CPA4: variants seen among roughly 807,000 people sequenced by gnomAD.
The protein encoded by CPA4 is carboxypeptidase A4.
In CPA4, 49 loss-of-function variants were observed where a neutral mutation model predicts 54.7. The observed-to-expected ratio is 0.90, with a 90% CI of 0.71 to 1.14. CPA4 has a LOEUF of 1.14. CPA4 is among the 50% of genes most tolerant of loss of function. The pLI is 0.00. For missense variants in CPA4, 487 were observed against 525.1 expected (o/e 0.93, Z 0.71); for synonymous variants, 215 against 206.8 (o/e 1.04, Z -0.34).
At chr7:130,299,233 C>T (rs368114013) in intron 2 of CPA4, 37 bp from the exon 3 acceptor site, 134 of 1,604,962 alleles carry the variant, frequency 8.3e-5, no homozygotes, top group Non-Finnish European at 9.9e-5. Flanking sequence ...TTTACCTGAA[C>T]GGTCCTTTAA....
chr7:130,305,781 G>A (rs780949237), intron 5 of CPA4, 35 bp from the exon 6 acceptor site: 1 of 1,484,980 alleles, frequency 6.7e-7, no homozygotes, highest in Non-Finnish European at 9.4e-7. Context: ...GATGCGGGCA[G>A]GCGGTCATTT....
intron 4 of CPA4, among the ~76,000 whole-genome samples, chr7:130,301,821 A>T (rs1179850001): frequency 6.6e-6 from 1 of 152,140 alleles, no homozygotes; most frequent in Admixed American, 6.5e-5. Context: ...CCCTCTTGTG[A>T]CCAGTGACAT....
At chr7:130,318,700 A>G (rs1489069322) in intron 10 of CPA4, among the ~76,000 whole-genome samples, 1 of 152,142 alleles carries the variant, frequency 6.6e-6, no homozygotes, top group African/African-American at 2.4e-5. Flanking sequence ...CGTGAGCCAC[A>G]GCACCCGGCC....
At chr7:130,309,850 C>T (rs1178456254) in intron 8 of CPA4, among the ~76,000 whole-genome samples, 2 of 152,156 alleles carry the variant, frequency 1.3e-5, no homozygotes, top group African/African-American at 4.8e-5. Context: ...ACTGCAGCCT[C>T]GACATCCTGG....
intron 10 of CPA4, among the ~76,000 whole-genome samples, chr7:130,318,407 C>CCTTTT (rs1008431715): frequency 3.3e-5 from 5 of 152,254 alleles, no homozygotes; most frequent in Admixed American, 1.3e-4. Flanking sequence ...AAAATTTCTA[C>CCTTTT]CTTTTCTTTT....
rs765455347 is a variant in CPA4 at position 130,322,499 on chromosome 7, C to T, written c.1089C>T (p.Ser363=). The change falls in exon 11 of 11, where the codon AGC becomes AGT. Residue 363 remains serine, a synonymous_variant. Coordinates refer to ENST00000222482, the MANE Select transcript of CPA4 (RefSeq NM_016352.4). The part of the protein sequence containing the change: ...GPTCTTVYPA[S]GSSIDWAYDN... ...TCCTCCGACTTACAGATCCAGCTAGCGGGAGCAGCATCGACTGGGCATATG... is the reference window on the plus strand; with the variant it reads ...TCCTCCGACTTACAGATCCAGCTAGTGGGAGCAGCATCGACTGGGCATATG... 34 of 1,612,950 alleles carry T rather than the reference C, an allele frequency of 2.1e-5. No individual in the cohort carries two copies. Among genetic ancestry groups the T allele is most frequent in the African/African-American group, 4.0e-5 (3 of 74,888 alleles).
intron 6 of CPA4, chr7:130,306,408 TG>T: frequency 4.3e-6 from 1 of 231,104 alleles, no homozygotes; most frequent in Non-Finnish European, 8.4e-6. Context: ...GAAAGTCTGC[TG>T]GGAGGGGAGG....
In CPA4 at chr7:130,308,414, C is replaced by T. The variant is rs772209775; in HGVS notation, c.793+17C>T. The T allele has an allele frequency of 1.9e-6, 3 of 1,604,386 alleles. No individual in the cohort carries two copies. Among genetic ancestry groups the T allele is most frequent in the Non-Finnish European group, 2.6e-6 (3 of 1,171,146 alleles). On this transcript the variant is annotated intron_variant, in intron 8 of 10. Coordinates refer to ENST00000222482, the MANE Select transcript of CPA4 (RefSeq NM_016352.4). Reference sequence around the variant, plus strand: ...GTTTTGCAGGTAGGCGGTGGGGAGACAGTTCTCAAATCCTGCTGTCCCTGG... The same window carrying T: ...GTTTTGCAGGTAGGCGGTGGGGAGATAGTTCTCAAATCCTGCTGTCCCTGG...
At chr7:130,311,111 A>G (rs143097510) in intron 9 of CPA4, 125 bp downstream of exon 9, 40 of 727,982 alleles carry the variant, frequency 5.5e-5, no homozygotes, top group African/African-American at 4.0e-4. Flanking sequence ...TGAAGGTCCA[A>G]TCTTCTCTCC....
intron 1 of CPA4, among the ~76,000 whole-genome samples, chr7:130,297,487 G>T (rs1370999095): frequency 6.6e-6 from 1 of 152,154 alleles, no homozygotes; most frequent in African/African-American, 2.4e-5. Context: ...TGGGTTGGGA[G>T]AAAGGGAACC....
chr7:130,321,952 A>G (rs1485599061), intron 10 of CPA4, among the ~76,000 whole-genome samples: 1 of 152,194 alleles, frequency 6.6e-6, no homozygotes, highest in African/African-American at 2.4e-5. Context: ...ATCTCTGTAG[A>G]GGCCTGCTTG....
chr7:130,295,341 C>T, intron 1 of CPA4, among the ~76,000 whole-genome samples: 1 of 152,152 alleles, frequency 6.6e-6, no homozygotes. Flanking sequence ...GGAGTGCCAG[C>T]CATTGCAATG....
chr7:130,321,545 C>G (rs1033303475), intron 10 of CPA4, among the ~76,000 whole-genome samples: 1 of 152,106 alleles, frequency 6.6e-6, no homozygotes. Context: ...TGTATTTGTC[C>G]ATTTTCACAC....
intron 10 of CPA4, among the ~76,000 whole-genome samples, chr7:130,321,470 G>A (rs537851731): frequency 6.6e-6 from 1 of 152,138 alleles, no homozygotes; most frequent in Non-Finnish European, 1.5e-5. Flanking sequence ...GATGGCTCTG[G>A]CTCAGGATCC....
At chr7:130,315,550 AT>A (rs1480605330) in intron 10 of CPA4, among the ~76,000 whole-genome samples, 1 of 152,070 alleles carries the variant, frequency 6.6e-6, no homozygotes, top group African/African-American at 2.4e-5. Context: ...TGATAAATGA[AT>A]TCAGGGCCAT....
rs16873785 is a variant in CPA4 at position 130,322,942 on chromosome 7, C to T, written c.*266C>T. On this transcript the variant is annotated 3_prime_UTR_variant, in exon 11 of 11. Transcript: ENST00000222482. ...TTCTCCTTCCACCCTGCTGGCTGGG[C>T]GGCTGCACTCAGCATCACCCCTTCC... 5.7e-3 allele frequency: 2,103 copies of T among 365,856 alleles called. 22 individuals are homozygous for T. The highest frequency in any genetic ancestry group is 0.022 in the African/African-American group (1,052 of 48,864). The allele number at this position is 365,856 out of a possible 1,614,324, so 22.7% of individuals were successfully genotyped here.
intron 10 of CPA4, among the ~76,000 whole-genome samples, chr7:130,314,628 G>T (rs1184531671): frequency 1.3e-5 from 2 of 152,210 alleles, no homozygotes; most frequent in Non-Finnish European, 2.9e-5. Context: ...GAGCAGTTAG[G>T]AGTGGTTGTA....
At chr7:130,316,608 A>G (rs1793990326) in intron 10 of CPA4, among the ~76,000 whole-genome samples, 1 of 152,146 alleles carries the variant, frequency 6.6e-6, no homozygotes, top group African/African-American at 2.4e-5. Context: ...GAGAACTTGT[A>G]ATTAGATCAG....
Position 130,322,739 on chromosome 7 carries a change from T to A in CPA4, c.*63T>A. The stretch of plus-strand genomic sequence containing the variant: ...CACGTGCACGCACTGAGGCCATTGT[T>A]AAAGGAGCTCTTTCCTACCTGTGTG... On this transcript the variant is annotated 3_prime_UTR_variant, in exon 11 of 11. Transcript: ENST00000222482. 1 of 1,502,398 alleles carries A rather than the reference T, an allele frequency of 6.7e-7. No homozygotes were observed. The highest frequency in any genetic ancestry group is 9.0e-7 in the Non-Finnish European group (1 of 1,107,264). 93.1% of individuals were successfully genotyped at this position (1,502,398 alleles called of 1,614,324 possible). A position where few individuals can be genotyped will look rare whatever the true frequency, so the allele number is the denominator to read the frequency against.
Sources: gnomAD v4.1 joint callset for allele counts (sites outside exome capture counted in the v4.1 genomes callset) on GRCh38, gnomAD v4.1.1 for gene constraint, MANE v1.5 for transcripts, NCBI Gene and HGNC (gene_info 2026-07-23, HGNC 2026-07-21) for gene names.